The following THOC5 variants were observed in gnomAD, a reference collection of about 807,000 sequenced individuals.
THOC5 encodes the protein Fms-interacting protein.
THOC5 carries 43 observed loss-of-function variants against 92.9 expected under a neutral mutation model. The observed-to-expected ratio is 0.46, with a 90% CI of 0.36 to 0.60. THOC5 has a LOEUF of 0.60. THOC5 is among the 20% of genes least tolerant of loss of function. The pLI, the probability that THOC5 is intolerant of heterozygous loss-of-function variation, is 0.00. For synonymous variants in THOC5, 296 were observed against 320.1 expected (o/e 0.92, Z 0.80); for missense variants, 659 against 849.4 (o/e 0.78, Z 2.79).
chr22:29,518,737 G>A (rs924066326), intron 15 of THOC5, among the ~76,000 whole-genome samples: 6 of 152,150 alleles, frequency 3.9e-5, no homozygotes, highest in South Asian at 2.1e-4. Flanking sequence ...GAACTGCCCC[G>A]ACCAGTCCAC....
At position 29,527,942 on chromosome 22, in the gene THOC5, A is replaced by G. The variant is rs561284580; in HGVS notation, c.1066+136T>C. ...AGAAACAAAGTCCATGCAAAACAAT[A>G]AGGAAAAACAAAGCAATATGAAATG... On this transcript the variant is annotated intron_variant, in intron 11 of 19. Transcript: ENST00000490103. 18 of 750,022 alleles carry G rather than the reference A, an allele frequency of 2.4e-5. No individual in the cohort carries two copies. In the East Asian group the frequency reaches 4.5e-4, roughly 19 times the overall value. The allele number at this position is 750,022 out of a possible 1,614,324, so 46.5% of individuals were successfully genotyped here.
chr22:29,526,838 C>A (rs540941419), intron 11 of THOC5, among the ~76,000 whole-genome samples: 1 of 152,266 alleles, frequency 6.6e-6, no homozygotes, highest in Non-Finnish European at 1.5e-5. Flanking sequence ...GGTCATGAAA[C>A]ACAAGGAAAG....
rs1491105374 is a variant in THOC5 at position 29,538,800 on chromosome 22, G to GAAAAAAAAA, written c.599+529_599+530insTTTTTTTTT. ...CAATAGAGTGAAACGCCATCTCTTT[G>GAAAAAAAAA]GAAAAAAAAAAAAAAAAAAAAAAAA... On this transcript the variant is annotated intron_variant, in intron 6 of 19. Transcript: ENST00000490103. 1.5e-4 allele frequency among the ~76,000 whole-genome samples: 5 copies of GAAAAAAAAA among 33,000 alleles called. 1 individual carries two copies. Among genetic ancestry groups the GAAAAAAAAA allele is most frequent in the African/African-American group, 3.3e-4 (3 of 9,032 alleles). 21.6% of individuals were successfully genotyped at this position (33,000 alleles called of 152,430 possible). A position where few individuals can be genotyped will look rare whatever the true frequency, so the allele number is the denominator to read the frequency against.
At chr22:29,537,753 G>A (rs1301822574) in intron 6 of THOC5, among the ~76,000 whole-genome samples, 1 of 151,782 alleles carries the variant, frequency 6.6e-6, no homozygotes, top group Non-Finnish European at 1.5e-5. Context: ...AGCTGGGCGT[G>A]GTGGCACACG....
chr22:29,531,051 A>G, intron 8 of THOC5: 1 of 1,100,510 alleles, frequency 9.1e-7, no homozygotes, highest in Non-Finnish European at 1.1e-6. Flanking sequence ...GCCGATTTTA[A>G]ACATAAAAGA....
Position 29,549,178 on chromosome 22 carries a change from T to C in THOC5, c.-11-20A>G, listed in dbSNP as rs2064090857. 6.2e-7 allele frequency: 1 copy of C among 1,609,016 alleles called. No homozygotes were observed. The highest frequency in any genetic ancestry group is 1.3e-5 in the African/African-American group (1 of 74,952). On this transcript the variant is annotated intron_variant, in intron 1 of 19. Transcript: ENST00000490103. Reference sequence around the variant, plus strand: ...TTCCTCCTGTTAAGAGGAGAAAGTTTTTGAGATTCTTCTGGAGTCATAACA... The same window carrying C: ...TTCCTCCTGTTAAGAGGAGAAAGTTCTTGAGATTCTTCTGGAGTCATAACA...
At chr22:29,525,061 C>T (rs995958197) in intron 12 of THOC5, among the ~76,000 whole-genome samples, 3 of 152,202 alleles carry the variant, frequency 2.0e-5, no homozygotes, top group Admixed American at 6.5e-5. Flanking sequence ...GTGCTTGAGG[C>T]CAGGAGTTCA....
intron 6 of THOC5, among the ~76,000 whole-genome samples, chr22:29,538,026 A>G (rs1390678612): frequency 1.3e-5 from 2 of 152,220 alleles, no homozygotes; most frequent in Non-Finnish European, 2.9e-5. Flanking sequence ...TCTGTCGCCC[A>G]GGCTAGAGTG....
chr22:29,536,045 C>A (rs2063754345), intron 7 of THOC5: 1 of 152,200 alleles, frequency 6.6e-6, no homozygotes, highest in Non-Finnish European at 1.5e-5. Context: ...AGAAGAAAAG[C>A]AAATTTATCT....
intron 12 of THOC5, among the ~76,000 whole-genome samples, chr22:29,524,129 T>C (rs1777081823): frequency 6.6e-6 from 1 of 152,176 alleles, no homozygotes; most frequent in Non-Finnish European, 1.5e-5. Flanking sequence ...CTTTTATGTC[T>C]CCTCCCTGTT....
At chr22:29,552,321 ATCCCG>A (rs1569239874) in intron 1 of THOC5, among the ~76,000 whole-genome samples, 1 of 146,314 alleles carries the variant, frequency 6.8e-6, no homozygotes, top group Non-Finnish European at 1.5e-5. Context: ...CCCGGACCCC[ATCCCG>A]TCTAGGAAGT....
chr22:29,514,418 G>A (rs531809635), intron 17 of THOC5, among the ~76,000 whole-genome samples: 2 of 148,920 alleles, frequency 1.3e-5, no homozygotes, highest in African/African-American at 2.5e-5. Flanking sequence ...CCGGGTTCAC[G>A]CCATTCTCCT....
At chr22:29,517,747 T>G (rs1045617618) in intron 15 of THOC5, among the ~76,000 whole-genome samples, 1 of 152,206 alleles carries the variant, frequency 6.6e-6, no homozygotes. Flanking sequence ...AGGAAACAAC[T>G]GAAGTGTTGT....
chr22:29,511,751 T>TA (rs2063228006), intron 18 of THOC5, among the ~76,000 whole-genome samples: 1 of 152,238 alleles, frequency 6.6e-6, no homozygotes, highest in African/African-American at 2.4e-5. Flanking sequence ...TCACATTTTT[T>TA]ATAGGAGCCC....
Position 29,520,022 on chromosome 22 carries a change from T to C in THOC5, c.1360A>G (p.Lys454Glu). 2 of 1,613,762 alleles carry C rather than the reference T, an allele frequency of 1.2e-6. No homozygotes were observed. Among genetic ancestry groups the C allele is most frequent in the Non-Finnish European group, 1.7e-6 (2 of 1,179,916 alleles). ...VQKLGGLHFP[K>E]EQPQQTVIAD... Reference sequence around the variant, plus strand: ...AGTGTACAGACCTGGGGCTGCTCTTTGGGGAAGTGGAGGCCACCCAGCTTC... The same window carrying C: ...AGTGTACAGACCTGGGGCTGCTCTTCGGGGAAGTGGAGGCCACCCAGCTTC... Residue 454 changes from lysine to glutamate, a missense_variant, in exon 14 of 20, where the codon AAA (lysine) becomes GAA (glutamate). Physicochemically the swap from Lys to Glu is moderately conservative, Grantham distance 56. Coordinates refer to ENST00000490103, the MANE Select transcript of THOC5 (RefSeq NM_003678.5).
At chr22:29,529,470 A>G (rs1330096465) in intron 8 of THOC5, among the ~76,000 whole-genome samples, 2 of 152,220 alleles carry the variant, frequency 1.3e-5, no homozygotes, top group Non-Finnish European at 2.9e-5. Context: ...TTCCTAAACC[A>G]GCATCACCTG....
intron 7 of THOC5, among the ~76,000 whole-genome samples, chr22:29,532,453 CG>C (rs2063674311): frequency 6.6e-6 from 1 of 151,902 alleles, no homozygotes; most frequent in South Asian, 2.1e-4. Flanking sequence ...CACCTGAGGT[CG>C]GGAGATCAAG....
intron 13 of THOC5, among the ~76,000 whole-genome samples, 170 bp downstream of exon 13, chr22:29,520,828 G>A (rs1284940240): frequency 6.6e-6 from 1 of 152,100 alleles, no homozygotes; most frequent in Non-Finnish European, 1.5e-5. Flanking sequence ...CACCCTTTTT[G>A]TGATCTCCCT....
chr22:29,526,964 A>T (rs2063557055), intron 11 of THOC5, among the ~76,000 whole-genome samples: 1 of 152,172 alleles, frequency 6.6e-6, no homozygotes, highest in Non-Finnish European at 1.5e-5. Flanking sequence ...GGAAGAAACT[A>T]AAAAAATTCT....
Sources: gnomAD v4.1 joint callset for allele counts (sites outside exome capture counted in the v4.1 genomes callset) on GRCh38, gnomAD v4.1.1 for gene constraint, MANE v1.5 for transcripts, NCBI Gene and HGNC (gene_info 2026-07-23, HGNC 2026-07-21) for gene names.